ZW10: variants seen among roughly 807,000 people sequenced by gnomAD.
ZW10 encodes the protein centromere/kinetochore protein zw10 homolog.
ZW10 carries 53 observed loss-of-function variants against 87.8 expected under a neutral mutation model. That is an observed-to-expected ratio of 0.60 (90% CI 0.48 to 0.76). ZW10 has a LOEUF of 0.76. ZW10 is among the 30% of genes least tolerant of loss of function. The pLI, the probability that ZW10 is intolerant of heterozygous loss-of-function variation, is 0.00. For missense variants in ZW10, 837 were observed against 923.0 expected, an observed-to-expected ratio of 0.91 and a Z score of 1.21; for synonymous variants, 312 against 329.2, an observed-to-expected ratio of 0.95 and a Z score of 0.57.
In ZW10 at chr11:113,741,741, C is replaced by A; in HGVS notation, c.1536G>T (p.Val512=). 1 of 1,608,628 alleles carries A rather than the reference C, an allele frequency of 6.2e-7. No individual in the cohort carries two copies. Among genetic ancestry groups the A allele is most frequent in the Non-Finnish European group, 8.5e-7 (1 of 1,177,562 alleles). The part of the protein sequence containing the change: ...DQCAVQLFYS[V]RNIFHLFHDV... ...CATGGAACAAATGGAAGATATTCCT[C>A]ACTGAGTAGAAAAGTTGAACAGCAC... Residue 512 remains valine (V), a synonymous_variant, in exon 11 of 16, where the codon GTG becomes GTT. Coordinates refer to ENST00000200135, the MANE Select transcript of ZW10 (RefSeq NM_004724.4).
At position 113,737,688 on chromosome 11, in the gene ZW10, T is replaced by C. The variant is rs764982653; in HGVS notation, c.1900A>G (p.Lys634Glu). The change falls in exon 14 of 16, where the codon AAG (lysine) becomes GAG (glutamate). Residue 634 changes from lysine to glutamate, a missense_variant. Transcript: ENST00000200135. ...TCCTGCCACACAATTCCAAGTCTCT[T>C]TAGTTGGTGCAGTACCTGTAGAAGA... ...KAVRQVLHQL[K>E]RLGIVWQDVL... 1.6e-5 allele frequency: 26 copies of C among 1,612,968 alleles called. No homozygotes were observed. The highest frequency in any genetic ancestry group is 5.0e-5 in the Admixed American group (3 of 59,978).
chr11:113,737,781 T>G, intron 13 of ZW10, 78 bp from the exon 14 acceptor site: 1 of 1,479,154 alleles, frequency 6.8e-7, no homozygotes, highest in South Asian at 1.4e-5. Flanking sequence ...TTATCATTTG[T>G]GAGTTCATTG....
intron 10 of ZW10, among the ~76,000 whole-genome samples, chr11:113,742,469 C>T (rs555127261): frequency 4.3e-4 from 66 of 152,172 alleles, no homozygotes; most frequent in Admixed American, 9.2e-4. Flanking sequence ...TATTATAATA[C>T]CTTATTAAAT....
rs149006252 is a variant in ZW10 at position 113,733,733 on chromosome 11, G to T, written c.2301C>A (p.Asn767Lys). 1 of 1,614,098 alleles carries T rather than the reference G, an allele frequency of 6.2e-7. No homozygotes were observed. Among genetic ancestry groups the T allele is most frequent in the South Asian group, 1.1e-5 (1 of 91,078 alleles). Residue 767 changes from asparagine (N) to lysine (K), a missense_variant, in exon 16 of 16, where the codon AAC becomes AAA. Asn to Lys is a moderately conservative substitution (Grantham distance 94, BLOSUM62 0). Transcript: ENST00000200135. The part of the protein sequence containing the change: ...VKALIRALFQ[N>K]TERRAAALAK... ...CAAGGGCAGCTGCTCTTCTTTCTGT[G>T]TTCTGAAACAAGGCACGAATTAAAG...
chr11:113,743,971 G>T lies in ZW10; in HGVS notation c.1342C>A (p.Gln448Lys), dbSNP rs139469696. The part of the protein sequence containing the change: ...TPDEDNKLEV[Q>K]KVSNTQYHEV... ...TGGTACTGAGTATTGGATACTTTCT[G>T]TACTTCCAGTTTGTTATCCTCATCA... The change falls in exon 10 of 16, where the codon CAG becomes AAG. Residue 448 changes from glutamine to lysine, a missense_variant. Gln to Lys is a moderately conservative substitution (Grantham distance 53). Transcript: ENST00000200135. 2.7e-4 allele frequency: 430 copies of T among 1,614,174 alleles called. No individual in the cohort carries two copies. The highest frequency in any genetic ancestry group is 2.3e-4 in the Non-Finnish European group (270 of 1,180,022).
intron 15 of ZW10, among the ~76,000 whole-genome samples, chr11:113,735,246 T>C (rs1386041193): frequency 6.6e-6 from 1 of 152,226 alleles, no homozygotes; most frequent in African/African-American, 2.4e-5. Flanking sequence ...TGTTATAATT[T>C]TTCTTATAAC....
At chr11:113,744,830 A>G (rs185159353) in intron 9 of ZW10, among the ~76,000 whole-genome samples, 18 of 152,336 alleles carry the variant, frequency 1.2e-4, no homozygotes, top group Admixed American at 7.8e-4. Context: ...TGCATGGATT[A>G]TAGGCATGAG....
At chr11:113,767,944 G>A (rs878949216) in intron 2 of ZW10, among the ~76,000 whole-genome samples, 14 of 152,154 alleles carry the variant, frequency 9.2e-5, no homozygotes, top group Admixed American at 5.2e-4. Flanking sequence ...ATCACTTCCC[G>A]TCTTGGTTTG....
rs1003641155 is a variant in ZW10 at position 113,761,047 on chromosome 11, T to C, written c.241-129A>G. The stretch of plus-strand genomic sequence containing the variant: ...TTGAAATTTAAATGCTAGTTAAGAC[T>C]GGAATAAAAATCACAGAATGTAGTA... On this transcript the variant is annotated intron_variant, in intron 2 of 15. Coordinates refer to ENST00000200135, the MANE Select transcript of ZW10 (RefSeq NM_004724.4). 27 of 710,680 alleles carry C rather than the reference T, an allele frequency of 3.8e-5. 1 individual carries two copies. In the South Asian group the frequency reaches 4.1e-4, roughly 11 times the overall value. The allele number at this position is 710,680 out of a possible 1,614,324, so 44.0% of individuals were successfully genotyped here. A position where few individuals can be genotyped will look rare whatever the true frequency, so the allele number is the denominator to read the frequency against.
chr11:113,763,001 T>G (rs937845350), intron 2 of ZW10, among the ~76,000 whole-genome samples: 1 of 152,144 alleles, frequency 6.6e-6, no homozygotes, highest in African/African-American at 2.4e-5. Flanking sequence ...CCCATCCTCT[T>G]AAGTTCCCTC....
At chr11:113,763,138 T>TA (rs1438216398) in intron 2 of ZW10, among the ~76,000 whole-genome samples, 1 of 152,192 alleles carries the variant, frequency 6.6e-6, no homozygotes, top group East Asian at 1.9e-4. Flanking sequence ...ACTCCTGTGT[T>TA]AGTTTGCTGA....
intron 15 of ZW10, 89 bp from the exon 16 acceptor site, chr11:113,733,903 A>T (rs1591406714): frequency 7.0e-7 from 1 of 1,434,860 alleles, no homozygotes; most frequent in East Asian, 2.4e-5. Flanking sequence ...CCAAATGCTT[A>T]TTTGCTTGAA....
intron 13 of ZW10, 112 bp downstream of exon 13, chr11:113,738,152 A>T (rs1418221302): frequency 1.7e-6 from 2 of 1,211,880 alleles, no homozygotes; most frequent in Non-Finnish European, 1.1e-6. Flanking sequence ...GTGGGGGTGC[A>T]GGGAATCAAC....
At chr11:113,744,785 G>A (rs1360850181) in intron 9 of ZW10, among the ~76,000 whole-genome samples, 2 of 151,994 alleles carry the variant, frequency 1.3e-5, no homozygotes, top group Non-Finnish European at 2.9e-5. Flanking sequence ...CGAACACCTG[G>A]GCTCAAGTCA....
In ZW10 at chr11:113,738,129, A is replaced by G. The variant is rs1478918481; in HGVS notation, c.1884+135T>C. ...TTAAACATGATTGTAAAAGGTATCT[A>G]GATTTTCCAAAGGTGGGGGTGCAGG... is the stretch of plus-strand genomic sequence containing the variant. On this transcript the variant is annotated intron_variant, in intron 13 of 15. Coordinates refer to ENST00000200135, the MANE Select transcript of ZW10 (RefSeq NM_004724.4). 4 of 955,108 alleles carry G rather than the reference A, an allele frequency of 4.2e-6. No individual in the cohort carries two copies. The African/African-American group carries it at 5.1e-5, about 12-fold the overall frequency. The allele number at this position is 955,108 out of a possible 1,614,324, so 59.2% of individuals were successfully genotyped here. A position where few individuals can be genotyped will look rare whatever the true frequency, so the allele number is the denominator to read the frequency against.
intron 7 of ZW10, among the ~76,000 whole-genome samples, chr11:113,751,619 T>C (rs1331220678): frequency 2.6e-5 from 4 of 152,242 alleles, no homozygotes. Context: ...CTCACGCCTG[T>C]AATCCCCGCA....
At chr11:113,745,998 A>G (rs1953672550) in intron 9 of ZW10, among the ~76,000 whole-genome samples, 1 of 114,052 alleles carries the variant, frequency 8.8e-6, no homozygotes, top group Non-Finnish European at 2.0e-5. Flanking sequence ...TAAAGGGGGC[A>G]TTTGGCAATG....
intron 2 of ZW10, among the ~76,000 whole-genome samples, chr11:113,763,559 C>A (rs1243262319): frequency 6.6e-6 from 1 of 152,218 alleles, no homozygotes; most frequent in African/African-American, 2.4e-5. Context: ...AATCGCCATT[C>A]TGACTTGCGT....
Position 113,739,222 on chromosome 11 carries a change from T to C in ZW10, c.1744A>G (p.Arg582Gly), listed in dbSNP as rs768822496. 6.2e-7 allele frequency: 1 copy of C among 1,613,894 alleles called. No individual in the cohort carries two copies. The highest frequency in any genetic ancestry group is 8.5e-7 in the Non-Finnish European group (1 of 1,179,906). ...ATFVDLVPGFRRLGTECFLAQ... is the reference protein window; with the variant it reads ...ATFVDLVPGFGRLGTECFLAQ... ...TGAAAGTATCAGTTACCAAGTCTCC[T>C]GAAGCCAGGTACAAGATCCACAAAA... is the stretch of plus-strand genomic sequence containing the variant. The change falls in exon 12 of 16, where the codon AGG becomes GGG. Residue 582 changes from arginine to glycine, a missense_variant. Arg to Gly is a moderately radical substitution (Grantham distance 125, BLOSUM62 -2). Transcript: ENST00000200135.
Sources: allele counts gnomAD v4.1 joint callset (sites outside exome capture counted in the v4.1 genomes callset), GRCh38; gene constraint gnomAD v4.1.1; transcripts MANE v1.5; gene names NCBI Gene and HGNC (gene_info 2026-07-23, HGNC 2026-07-21).